Variants in FAT3 observed in about 807,000 individuals in gnomAD.
The protein encoded by FAT3 is protocadherin Fat 3.
A neutral mutation model predicts 310.2 loss-of-function variants in FAT3; 95 were observed. The ratio of observed to expected loss-of-function variants is 0.31; its 90% confidence interval spans 0.26 to 0.36. The LOEUF (loss-of-function observed/expected upper bound fraction) is 0.36. Ranked by LOEUF, FAT3 falls within the 10% of genes least tolerant of loss-of-function variation. FAT3 has a pLI of 1.00. For missense variants in FAT3, 5,408 were observed against 5,715.6 expected (o/e 0.95, Z 1.74); for synonymous variants, 2,314 against 2,192.9 (o/e 1.06, Z -1.54).
At chr11:92,777,175 G>A (rs749564248) in intron 7 of FAT3, among the ~76,000 whole-genome samples, 2 of 152,124 alleles carry the variant, frequency 1.3e-5, no homozygotes, top group African/African-American at 2.4e-5. Context: ...CAAAACACCT[G>A]TTTAGTTTTC....
chr11:92,342,538 A>T (rs1435030226), intron 1 of FAT3, among the ~76,000 whole-genome samples: 1 of 152,156 alleles, frequency 6.6e-6, no homozygotes, highest in Non-Finnish European at 1.5e-5. Flanking sequence ...AGCAGTAAAA[A>T]TCCATTGTGT....
At chr11:92,778,958 G>C (rs1023385029) in intron 7 of FAT3, among the ~76,000 whole-genome samples, 1 of 152,090 alleles carries the variant, frequency 6.6e-6, no homozygotes, top group Non-Finnish European at 1.5e-5. Context: ...GTGGGAGAAA[G>C]GGGTACTACC....
intron 3 of FAT3, among the ~76,000 whole-genome samples, chr11:92,691,306 A>T (rs1361798454): frequency 1.3e-5 from 2 of 152,226 alleles, no homozygotes; most frequent in East Asian, 3.9e-4. Context: ...CCCTAGACAG[A>T]TGACTTTGCC....
intron 1 of FAT3, among the ~76,000 whole-genome samples, chr11:92,299,896 A>G (rs1946949783): frequency 6.6e-6 from 1 of 152,112 alleles, no homozygotes; most frequent in Non-Finnish European, 1.5e-5. Context: ...CATGGCCCCC[A>G]TAGCTCCAGA....
chr11:92,417,543 C>T (rs1438405971), intron 2 of FAT3, among the ~76,000 whole-genome samples: 2 of 152,154 alleles, frequency 1.3e-5, no homozygotes, highest in African/African-American at 4.8e-5. Context: ...TCATTGTTTT[C>T]ATTCCTAGAG....
chr11:92,284,501 ATTATG>A (rs1424495530), intron 1 of FAT3, among the ~76,000 whole-genome samples: 1 of 152,128 alleles, frequency 6.6e-6, no homozygotes, highest in Non-Finnish European at 1.5e-5. Flanking sequence ...GAAGGAGAAT[ATTATG>A]TTATAAGAGT....
At chr11:92,533,421 T>C (rs1954145656) in intron 3 of FAT3, among the ~76,000 whole-genome samples, 1 of 152,122 alleles carries the variant, frequency 6.6e-6, no homozygotes, top group South Asian at 2.1e-4. Context: ...TAGGAAGTAA[T>C]TTGACTCCCC....
intron 1 of FAT3, among the ~76,000 whole-genome samples, chr11:92,268,755 A>G (rs1284753658): frequency 2.6e-5 from 4 of 152,192 alleles, no homozygotes; most frequent in East Asian, 3.9e-4. Flanking sequence ...ATAAGTTACC[A>G]TTGGCTTCAG....
At position 92,891,061 on chromosome 11, in the gene FAT3, T is replaced by C. The variant is rs2136450447; in HGVS notation, c.13718T>C (p.Leu4573Pro). The change falls in exon 28 of 28, where the codon CTC becomes CCC. Residue 4573 changes from leucine (L) to proline (P), a missense_variant. Physicochemically the swap from Leu to Pro is moderately conservative, Grantham distance 98. Transcript: ENST00000525166. Reference protein sequence around the residue: ...SDYESVGELSLASLHIPFVET... With the variant: ...SDYESVGELSPASLHIPFVET... Reference sequence around the variant, plus strand: ...TACGAGAGCGTGGGAGAGCTCAGCCTCGCCAGCCTTCACATTCCCTTTGTG... The same window carrying C: ...TACGAGAGCGTGGGAGAGCTCAGCCCCGCCAGCCTTCACATTCCCTTTGTG... 1 of 1,613,802 alleles carries C rather than the reference T, an allele frequency of 6.2e-7. No homozygotes were observed. Among genetic ancestry groups the C allele is most frequent in the Non-Finnish European group, 8.5e-7 (1 of 1,179,818 alleles).
chr11:92,890,380 G>A, intron 27 of FAT3, 111 bp from the exon 28 acceptor site: 2 of 1,306,340 alleles, frequency 1.5e-6, no homozygotes, highest in Non-Finnish European at 2.1e-6. Context: ...AAGCTTCTTA[G>A]GGTTTCTTGG....
At chr11:92,340,331 C>T (rs911737120) in intron 1 of FAT3, among the ~76,000 whole-genome samples, 4 of 152,010 alleles carry the variant, frequency 2.6e-5, no homozygotes, top group African/African-American at 7.2e-5. Context: ...TGGTAAGCGG[C>T]TTAAGGCTGT....
chr11:92,466,367 A>G (rs186009187), intron 2 of FAT3, among the ~76,000 whole-genome samples: 330 of 152,264 alleles, frequency 2.2e-3, no homozygotes, highest in Non-Finnish European at 3.7e-3. Context: ...AAAACAAGCA[A>G]TCAAAGACCC....
chr11:92,411,160 T>TAA (rs1555037832), intron 2 of FAT3, among the ~76,000 whole-genome samples: 1 of 142,968 alleles, frequency 7.0e-6, no homozygotes, highest in East Asian at 2.0e-4. Context: ...TATATATATA[T>TAA]AATATATATA....
At chr11:92,737,072 A>G (rs1945369418) in intron 4 of FAT3, among the ~76,000 whole-genome samples, 1 of 152,154 alleles carries the variant, frequency 6.6e-6, no homozygotes, top group Admixed American at 6.6e-5. Flanking sequence ...GCAAGGTGAC[A>G]TCTATTTAGA....
intron 2 of FAT3, among the ~76,000 whole-genome samples, chr11:92,468,114 C>G (rs1316936416): frequency 1.3e-5 from 2 of 152,126 alleles, no homozygotes; most frequent in Non-Finnish European, 2.9e-5. Flanking sequence ...CACTTTGGGC[C>G]AGGTCGGGTT....
At chr11:92,350,194 C>G (rs1487971128) in intron 1 of FAT3, among the ~76,000 whole-genome samples, 1 of 151,890 alleles carries the variant, frequency 6.6e-6, no homozygotes, top group Admixed American at 6.6e-5. Context: ...AAAGTTAAGT[C>G]TATTTAGACT....
intron 2 of FAT3, among the ~76,000 whole-genome samples, chr11:92,485,807 G>A (rs1295729011): frequency 6.6e-6 from 1 of 152,160 alleles, no homozygotes; most frequent in Non-Finnish European, 1.5e-5. Flanking sequence ...CCTAAGAATT[G>A]TAGTATGTTA....
chr11:92,329,113 A>G (rs1392718459), intron 1 of FAT3, among the ~76,000 whole-genome samples: 15 of 148,008 alleles, frequency 1.0e-4, no homozygotes, highest in Non-Finnish European at 1.5e-5. Context: ...TTTCAATACC[A>G]TACAAAAATT....
chr11:92,371,948 GA>G (rs1409463225), intron 2 of FAT3, among the ~76,000 whole-genome samples: 1 of 152,168 alleles, frequency 6.6e-6, no homozygotes, highest in Admixed American at 6.5e-5. Context: ...ATGAAATGGA[GA>G]CCACATATAA....
Sources: gnomAD v4.1 joint callset for allele counts (sites outside exome capture counted in the v4.1 genomes callset) on GRCh38, gnomAD v4.1.1 for gene constraint, MANE v1.5 for transcripts, NCBI Gene and HGNC (gene_info 2026-07-23, HGNC 2026-07-21) for gene names.